EBF2: variants seen among roughly 807,000 people sequenced by gnomAD.
The protein encoded by EBF2 is transcription factor COE2.
A neutral mutation model predicts 72.8 loss-of-function variants in EBF2; 21 were observed. The ratio of observed to expected loss-of-function variants is 0.29; its 90% CI spans 0.20 to 0.42. The LOEUF (loss-of-function observed/expected upper bound fraction) is 0.42, where lower values mean the gene tolerates loss of function less well. Ranked by LOEUF, EBF2 falls within the 10% of genes least tolerant of loss-of-function variation. EBF2 has a pLI of 1.00. For synonymous variants in EBF2, 299 were observed against 274.2 expected, an observed-to-expected ratio of 1.09 and a Z score of -0.89; for missense variants, 637 against 731.2, an observed-to-expected ratio of 0.87 and a Z score of 1.49.
intron 6 of EBF2, among the ~76,000 whole-genome samples, chr8:25,990,202 C>T (rs760094926): frequency 3.3e-5 from 5 of 151,844 alleles, no homozygotes; most frequent in Non-Finnish European, 7.4e-5. Context: ...CACACACACA[C>T]ACACACACAC....
At chr8:25,850,833 TATTGAGAAATTGTTA>T (rs1173733835) in intron 14 of EBF2, 72 bp from the exon 15 acceptor site, 11 of 1,479,384 alleles carry the variant, frequency 7.4e-6, no homozygotes, top group Non-Finnish European at 9.9e-6. Context: ...GGCACACATT[TATTGAGAAATTGTTA>T]ATTTCCATGC....
At chr8:25,938,477 C>T (rs981937906) in intron 6 of EBF2, among the ~76,000 whole-genome samples, 16 of 151,182 alleles carry the variant, frequency 1.1e-4, no homozygotes, top group African/African-American at 3.6e-4. Flanking sequence ...ATATAGAAGA[C>T]AAATACCTTA....
chr8:25,849,776 A>AGAAACTATGACTTTTCTATTCT (rs1801921919), intron 15 of EBF2, among the ~76,000 whole-genome samples: 1 of 152,210 alleles, frequency 6.6e-6, no homozygotes, highest in African/African-American at 2.4e-5. Flanking sequence ...TTTTGTTCTT[A>AGAAACTATGACTTTTCTATTCT]GAAACTATGA....
intron 6 of EBF2, among the ~76,000 whole-genome samples, chr8:25,926,637 C>T (rs1260285658): frequency 6.6e-6 from 1 of 152,148 alleles, no homozygotes; most frequent in Non-Finnish European, 1.5e-5. Context: ...CTCATTGATT[C>T]CTCCATATGT....
At chr8:25,916,666 AT>A (rs1441998256) in intron 6 of EBF2, among the ~76,000 whole-genome samples, 2 of 152,142 alleles carry the variant, frequency 1.3e-5, no homozygotes, top group Non-Finnish European at 2.9e-5. Context: ...CATGTCATTA[AT>A]CCACTCTCAC....
At chr8:26,006,995 T>C (rs1180976675) in intron 6 of EBF2, among the ~76,000 whole-genome samples, 2 of 152,228 alleles carry the variant, frequency 1.3e-5, no homozygotes, top group African/African-American at 4.8e-5. Flanking sequence ...AATAAGTTAT[T>C]CGGTTACTGA....
At chr8:25,889,727 C>T (rs1802746645) in intron 8 of EBF2, 25 bp downstream of exon 8, 2 of 1,562,816 alleles carry the variant, frequency 1.3e-6, no homozygotes, top group Non-Finnish European at 1.8e-6. Flanking sequence ...CATGTGTCTG[C>T]TATGCTGAGC....
chr8:25,859,953 G>A (rs1364722002), intron 13 of EBF2, among the ~76,000 whole-genome samples: 1 of 151,850 alleles, frequency 6.6e-6, no homozygotes, highest in Non-Finnish European at 1.5e-5. Flanking sequence ...CTGAGCTCAA[G>A]CAATCTGCCC....
intron 6 of EBF2, chr8:26,032,075 A>G (rs971594858): frequency 6.6e-6 from 1 of 152,214 alleles, no homozygotes; most frequent in Non-Finnish European, 1.5e-5. Flanking sequence ...AGCCTCTTGA[A>G]GCCTACAGAA....
chr8:25,966,166 A>G (rs2117183884), intron 6 of EBF2, among the ~76,000 whole-genome samples: 1 of 152,390 alleles, frequency 6.6e-6, no homozygotes. Flanking sequence ...CTGAGGCTTT[A>G]GAGACAAAGC....
chr8:25,969,607 A>G (rs1804161536), intron 6 of EBF2, among the ~76,000 whole-genome samples: 1 of 152,206 alleles, frequency 6.6e-6, no homozygotes. Flanking sequence ...TTACTTCACT[A>G]GAGCCCATCT....
At chr8:25,880,908 A>C (rs1168118272) in intron 10 of EBF2, among the ~76,000 whole-genome samples, 1 of 152,162 alleles carries the variant, frequency 6.6e-6, no homozygotes, top group Non-Finnish European at 1.5e-5. Flanking sequence ...ATCACTTTCT[A>C]AACTATACCC....
intron 6 of EBF2, among the ~76,000 whole-genome samples, chr8:26,008,859 A>C (rs75062443): frequency 2.3e-5 from 3 of 129,014 alleles, no homozygotes; most frequent in Non-Finnish European, 5.0e-5. Flanking sequence ...AAAAAAAAAA[A>C]CACGAAAGTA....
chr8:25,969,763 G>GGC (rs1459322918), intron 6 of EBF2, among the ~76,000 whole-genome samples: 2 of 152,148 alleles, frequency 1.3e-5, no homozygotes. Flanking sequence ...GGAGGGCAGT[G>GGC]GCGCGATCAC....
At chr8:25,991,869 A>G (rs1024037380) in intron 6 of EBF2, among the ~76,000 whole-genome samples, 4 of 152,174 alleles carry the variant, frequency 2.6e-5, no homozygotes, top group African/African-American at 9.6e-5. Flanking sequence ...AAGGGACAGC[A>G]AAAACAAAAG....
rs184960162 is a variant in EBF2 at position 25,880,076 on chromosome 8, G to A, written c.1009+6679C>T. Among the ~76,000 whole-genome samples the A allele has an allele frequency of 2.3e-3, 345 of 152,134 alleles. 5 individuals are homozygous for A. The highest frequency in any genetic ancestry group is 8.1e-3 in the African/African-American group (337 of 41,506). On this transcript the variant is annotated intron_variant, in intron 10 of 15. Coordinates refer to ENST00000520164, the MANE Select transcript of EBF2 (RefSeq NM_022659.4). ...CTCTTCAATTTCTAAGATACCTAAC[G>A]TTCTCCTCTTTTTCCACAATGTATA... is the stretch of plus-strand genomic sequence containing the variant.
intron 10 of EBF2, among the ~76,000 whole-genome samples, chr8:25,884,390 A>G (rs11135899): frequency 0.57 from 86,825 of 151,938 alleles, 27,531 homozygotes; most frequent in African/African-American, 0.86. Flanking sequence ...GAGGATGGAG[A>G]AAGAAGGAGA....
At chr8:25,970,059 T>G (rs1318102945) in intron 6 of EBF2, among the ~76,000 whole-genome samples, 4 of 152,124 alleles carry the variant, frequency 2.6e-5, no homozygotes, top group Admixed American at 1.3e-4. Flanking sequence ...GCAAGTGACT[T>G]GGTTAGGGTA....
intron 6 of EBF2, among the ~76,000 whole-genome samples, chr8:25,948,167 A>G (rs1803803029): frequency 6.6e-6 from 1 of 152,212 alleles, no homozygotes; most frequent in South Asian, 2.1e-4. Context: ...CTAAGGAACA[A>G]GTTTCTAAAA....
Sources: gnomAD v4.1 joint callset for allele counts (sites outside exome capture counted in the v4.1 genomes callset) on GRCh38, gnomAD v4.1.1 for gene constraint, MANE v1.5 for transcripts, NCBI Gene and HGNC (gene_info 2026-07-23, HGNC 2026-07-21) for gene names.